The following RNF157 variants were observed in gnomAD, a reference collection of about 807,000 sequenced individuals.
The protein encoded by RNF157 is E3 ubiquitin ligase RNF157.
In RNF157, 55 loss-of-function variants were observed where a neutral mutation model predicts 88.3. That is an observed-to-expected ratio of 0.62 (90% confidence interval 0.50 to 0.78). RNF157 has a LOEUF of 0.78. RNF157 is among the 30% of genes least tolerant of loss of function. RNF157 has a pLI of 0.00. For missense variants in RNF157, 788 were observed against 860.8 expected (o/e 0.92, Z 1.06); for synonymous variants, 334 against 341.2 (o/e 0.98, Z 0.23).
At chr17:76,152,643 C>T in intron 17 of RNF157, 178 bp from the exon 18 acceptor site, 1 of 562,988 alleles carries the variant, frequency 1.8e-6, no homozygotes, top group South Asian at 2.0e-5. Flanking sequence ...GTGGGCATGT[C>T]TGTGTTCTCG....
chr17:76,192,245 A>T (rs2069399489), intron 2 of RNF157, among the ~76,000 whole-genome samples: 1 of 152,242 alleles, frequency 6.6e-6, no homozygotes, highest in Non-Finnish European at 1.5e-5. Flanking sequence ...CATGGCATCA[A>T]ACAACGAAGC....
intron 2 of RNF157, among the ~76,000 whole-genome samples, chr17:76,174,143 C>A (rs2069066279): frequency 6.6e-6 from 1 of 152,010 alleles, no homozygotes; most frequent in Non-Finnish European, 1.5e-5. Flanking sequence ...TCACAAAAGG[C>A]TTTTCCATCT....
chr17:76,168,032 T>C (rs80345918), intron 3 of RNF157, among the ~76,000 whole-genome samples: 128 of 152,342 alleles, frequency 8.4e-4, no homozygotes, highest in Non-Finnish European at 1.4e-3. Flanking sequence ...CTTTTGTTTT[T>C]ATTTTAATAA....
intron 1 of RNF157, among the ~76,000 whole-genome samples, chr17:76,232,474 G>A (rs1039875509): frequency 1.6e-4 from 24 of 152,074 alleles, no homozygotes; most frequent in African/African-American, 5.8e-4. Context: ...ATAAACAATG[G>A]ATTTTGTTTA....
rs180883339 is a variant in RNF157, at chr17:76,235,372, G to T, written c.88+4781C>A. The stretch of plus-strand genomic sequence containing the variant: ...GTCACCATGCCTGGCTAATTTTTTT[G>T]TATTTTTAGTAGAGACGGGGTTTCA... On this transcript the variant is annotated intron_variant, in intron 1 of 18. Coordinates refer to ENST00000269391, the MANE Select transcript of RNF157 (RefSeq NM_052916.3). Among the ~76,000 whole-genome samples, 526 of 151,998 alleles carry T rather than the reference G, an allele frequency of 3.5e-3. 1 individual carries two copies. Among genetic ancestry groups the T allele is most frequent in the Non-Finnish European group, 5.9e-3 (400 of 67,926 alleles).
chr17:76,177,797 A>G (rs2069128921), intron 2 of RNF157, among the ~76,000 whole-genome samples: 1 of 152,068 alleles, frequency 6.6e-6, no homozygotes, highest in African/African-American at 2.4e-5. Context: ...CTCTCTGCTG[A>G]TAGCTGCAGA....
intron 2 of RNF157, among the ~76,000 whole-genome samples, chr17:76,206,504 A>C (rs2069684456): frequency 6.6e-6 from 1 of 152,234 alleles, no homozygotes; most frequent in African/African-American, 2.4e-5. Context: ...TTAAGACAGT[A>C]TTTAAAAACC....
chr17:76,158,791 AG>A (rs1373056682), intron 12 of RNF157, among the ~76,000 whole-genome samples: 1 of 152,144 alleles, frequency 6.6e-6, no homozygotes, highest in African/African-American at 2.4e-5. Flanking sequence ...AGAACCAGAG[AG>A]GGATGGAGAC....
chr17:76,212,277 G>T, intron 2 of RNF157, 87 bp downstream of exon 2: 2 of 909,024 alleles, frequency 2.2e-6, no homozygotes, highest in South Asian at 2.8e-5. Flanking sequence ...ACAAACTGCT[G>T]AACAAGCAAC....
At chr17:76,179,744 T>TATGCTA (rs976071936) in intron 2 of RNF157, among the ~76,000 whole-genome samples, 13 of 152,172 alleles carry the variant, frequency 8.5e-5, no homozygotes, top group African/African-American at 3.1e-4. Flanking sequence ...ATCTCACTCA[T>TATGCTA]ATGCTAACAG....
intron 1 of RNF157, among the ~76,000 whole-genome samples, chr17:76,228,606 G>A (rs967311281): frequency 6.6e-6 from 1 of 152,048 alleles, no homozygotes; most frequent in African/African-American, 2.4e-5. Context: ...TACCAAAAAA[G>A]TTCCATCTGC....
Position 76,166,488 on chromosome 17 carries a change from C to T in RNF157, c.601G>A (p.Val201Ile). 1 of 1,613,954 alleles carries T rather than the reference C, an allele frequency of 6.2e-7. No individual in the cohort carries two copies. The highest frequency in any genetic ancestry group is 8.5e-7 in the Non-Finnish European group (1 of 1,179,962). Residue 201 changes from valine (V) to isoleucine (I), a missense_variant, in exon 6 of 19, where the codon GTA becomes ATA. Physicochemically the swap from Val to Ile is conservative, Grantham distance 29 (BLOSUM62 3). Coordinates refer to ENST00000269391, the MANE Select transcript of RNF157 (RefSeq NM_052916.3). Reference protein sequence around the residue: ...DLDREVYPLVVHAVVDEGDEY... With the variant: ...DLDREVYPLVIHAVVDEGDEY... ...TCTCCTTCATCCACCACGGCATGTA[C>T]CACTAGAGGGTAAACTTCTCGGTCT...
Position 76,166,355 on chromosome 17 carries a change from C to T in RNF157, c.628+106G>A. The T allele has an allele frequency of 7.7e-6, 7 of 914,528 alleles. No individual in the cohort carries two copies. In the South Asian group the frequency reaches 9.4e-5, roughly 12 times the overall value. 56.7% of individuals were successfully genotyped at this position (914,528 alleles called of 1,614,324 possible). A position where few individuals can be genotyped will look rare whatever the true frequency, so the allele number is the denominator to read the frequency against. ...GCAGAGACTGCCTGACTCACAGTCA[C>T]AAACACCCACAAAGAAGGCATGTTG... On this transcript the variant is annotated intron_variant, in intron 6 of 18. Coordinates refer to ENST00000269391, the MANE Select transcript of RNF157 (RefSeq NM_052916.3).
chr17:76,144,833 G>C lies in RNF157; in HGVS notation c.*402C>G, dbSNP rs1446115918. 1 of 164,700 alleles carries C rather than the reference G, an allele frequency of 6.1e-6. No homozygotes were observed. The highest frequency in any genetic ancestry group is 2.4e-5 in the African/African-American group (1 of 41,888). The allele number at this position is 164,700 out of a possible 1,614,324, so 10.2% of individuals were successfully genotyped here. A position where few individuals can be genotyped will look rare whatever the true frequency, so the allele number is the denominator to read the frequency against. On this transcript the variant is annotated 3_prime_UTR_variant, in exon 19 of 19. Transcript: ENST00000269391. ...TACCCCAAACTGCAGGTTTCCAATTGGTTATGATGTGCCAGAGACCAGGAA... is the reference window on the plus strand; with the variant it reads ...TACCCCAAACTGCAGGTTTCCAATTCGTTATGATGTGCCAGAGACCAGGAA...
At chr17:76,193,808 G>A (rs2069426542) in intron 2 of RNF157, among the ~76,000 whole-genome samples, 1 of 152,222 alleles carries the variant, frequency 6.6e-6, no homozygotes, top group African/African-American at 2.4e-5. Context: ...CCCGCATCCT[G>A]CAGTGAGGCT....
intron 2 of RNF157, among the ~76,000 whole-genome samples, chr17:76,204,847 C>T (rs1473135556): frequency 2.0e-5 from 3 of 150,158 alleles, no homozygotes; most frequent in Admixed American, 6.6e-5. Context: ...TACAGTGGTG[C>T]GATCTCGGCT....
At chr17:76,185,942 G>A (rs1052613946) in intron 2 of RNF157, among the ~76,000 whole-genome samples, 8 of 152,082 alleles carry the variant, frequency 5.3e-5, no homozygotes, top group Non-Finnish European at 1.0e-4. Context: ...GCAAGCACCA[G>A]TATCAGACTA....
intron 1 of RNF157, among the ~76,000 whole-genome samples, chr17:76,225,523 A>T (rs1474765248): frequency 6.6e-6 from 1 of 152,064 alleles, no homozygotes; most frequent in Admixed American, 6.6e-5. Context: ...AATTGAATGG[A>T]CTATTTGAAT....
At chr17:76,189,760 C>A (rs537101278) in intron 2 of RNF157, among the ~76,000 whole-genome samples, 5 of 152,218 alleles carry the variant, frequency 3.3e-5, no homozygotes, top group Non-Finnish European at 7.4e-5. Context: ...AGGGACCCTC[C>A]GAAGCTGGGA....
Sources: allele counts gnomAD v4.1 joint callset (sites outside exome capture counted in the v4.1 genomes callset), GRCh38; gene constraint gnomAD v4.1.1; transcripts MANE v1.5; gene names NCBI Gene and HGNC (gene_info 2026-07-23, HGNC 2026-07-21).